The following ABCA12 variants were observed in gnomAD, a reference collection of about 807,000 sequenced individuals.
ABCA12 encodes the protein ATP binding cassette subfamily A member 12.
Under a neutral mutation model 293.5 loss-of-function variants are expected in ABCA12, and 156 were observed. The observed-to-expected ratio is 0.53, with a 90% CI of 0.47 to 0.61. The LOEUF is 0.61. ABCA12 is among the 20% of genes least tolerant of loss of function. The probability of loss-of-function intolerance (pLI) is 0.00; values close to 1 mark genes in which losing one functional copy is unlikely to be tolerated. For synonymous variants in ABCA12, 1,063 were observed against 1,108.0 expected, an observed-to-expected ratio of 0.96 and a Z score of 0.81; for missense variants, 2,797 against 3,090.2, an observed-to-expected ratio of 0.91 and a Z score of 2.25.
At chr2:214,937,674 G>T in intron 50 of ABCA12, 59 bp from the exon 51 acceptor site, 1 of 1,254,004 alleles carries the variant, frequency 8.0e-7, no homozygotes, top group East Asian at 2.4e-5. Context: ...TAGCTCCTCT[G>T]GAATTCTAGA....
intron 26 of ABCA12, among the ~76,000 whole-genome samples, chr2:214,988,513 T>A (rs986815512): frequency 6.6e-6 from 1 of 152,242 alleles, no homozygotes; most frequent in Non-Finnish European, 1.5e-5. Context: ...CATATTCTTT[T>A]ATTCATGTAT....
At chr2:214,983,529 A>C in intron 29 of ABCA12, 118 bp downstream of exon 29, 1 of 935,512 alleles carries the variant, frequency 1.1e-6, no homozygotes, top group Non-Finnish European at 1.7e-6. Flanking sequence ...AAAACTAAAA[A>C]GTAATTATTT....
chr2:215,132,112 A>G (rs978133436), intron 1 of ABCA12, among the ~76,000 whole-genome samples: 2 of 152,048 alleles, frequency 1.3e-5, no homozygotes, highest in Non-Finnish European at 2.9e-5. Flanking sequence ...ACTTGATATG[A>G]TTTCAATTTT....
intron 39 of ABCA12, among the ~76,000 whole-genome samples, chr2:214,961,284 C>G (rs1307609739): frequency 1.3e-5 from 2 of 151,994 alleles, no homozygotes; most frequent in East Asian, 3.9e-4. Context: ...TTACTAATTT[C>G]TATATAACTC....
At chr2:215,024,132 C>A (rs1373664733) in intron 11 of ABCA12, among the ~76,000 whole-genome samples, 1 of 152,178 alleles carries the variant, frequency 6.6e-6, no homozygotes, top group East Asian at 1.9e-4. Context: ...GCCTTCAAAA[C>A]TCAGAGAAAG....
At chr2:215,081,332 G>T (rs1215272803) in intron 2 of ABCA12, among the ~76,000 whole-genome samples, 1 of 151,934 alleles carries the variant, frequency 6.6e-6, no homozygotes, top group Non-Finnish European at 1.5e-5. Flanking sequence ...ACAAAAATTA[G>T]CAAGGCATGG....
chr2:215,050,051 T>C (rs1462928457), intron 5 of ABCA12, among the ~76,000 whole-genome samples: 2 of 152,184 alleles, frequency 1.3e-5, no homozygotes, highest in East Asian at 3.9e-4. Flanking sequence ...TATGAATTGT[T>C]TGACTGAACT....
chr2:215,128,795 G>C (rs1456856854), intron 1 of ABCA12, among the ~76,000 whole-genome samples: 1 of 152,058 alleles, frequency 6.6e-6, no homozygotes, highest in African/African-American at 2.4e-5. Context: ...TTCTTTGTCA[G>C]GTAAATCAGG....
chr2:215,025,768 G>A lies in ABCA12; in HGVS notation c.1192C>T (p.Leu398Phe), dbSNP rs1310268099. The change falls in exon 11 of 53, where the codon CTC (leucine) becomes TTC (phenylalanine). Residue 398 changes from leucine to phenylalanine, a missense_variant. Coordinates refer to ENST00000272895, the MANE Select transcript of ABCA12 (RefSeq NM_173076.3). ...LARGSPENLR[L>F]LQSTIRFKKS... ...TTAAATCGTATTGTGGACTGCAGGAGTCTTAGATTTTCTGTAAAGGAAGGG... is the reference window on the plus strand; with the variant it reads ...TTAAATCGTATTGTGGACTGCAGGAATCTTAGATTTTCTGTAAAGGAAGGG... 5 of 1,610,908 alleles carry A rather than the reference G, an allele frequency of 3.1e-6. No individual in the cohort carries two copies. The highest frequency in any genetic ancestry group is 3.4e-6 in the Non-Finnish European group (4 of 1,177,520).
intron 39 of ABCA12, among the ~76,000 whole-genome samples, chr2:214,961,295 A>C (rs780147920): frequency 6.6e-6 from 1 of 152,154 alleles, no homozygotes; most frequent in Non-Finnish European, 1.5e-5. Flanking sequence ...TATATAACTC[A>C]AGCTACATCT....
At chr2:215,104,439 G>A (rs1197801609) in intron 2 of ABCA12, among the ~76,000 whole-genome samples, 2 of 152,198 alleles carry the variant, frequency 1.3e-5, no homozygotes, top group African/African-American at 4.8e-5. Context: ...TGGGGGAGAT[G>A]GACCACTGCC....
At chr2:215,096,560 A>G (rs987426795) in intron 2 of ABCA12, among the ~76,000 whole-genome samples, 2 of 152,186 alleles carry the variant, frequency 1.3e-5, no homozygotes, top group African/African-American at 2.4e-5. Context: ...ATTTCAAACC[A>G]TTCCTTTGTC....
intron 22 of ABCA12, among the ~76,000 whole-genome samples, chr2:214,999,165 T>C (rs1032060821): frequency 4.5e-4 from 68 of 152,196 alleles, no homozygotes; most frequent in Non-Finnish European, 1.5e-4. Context: ...GGGTAGGCAT[T>C]TACAGACTAC....
rs767287642 is a variant in ABCA12, at chr2:214,978,348, G to T, written c.5096C>A (p.Ser1699Tyr). The change falls in exon 33 of 53, where the codon TCT (serine) becomes TAT (tyrosine). Residue 1699 changes from serine to tyrosine, a missense_variant. Coordinates refer to ENST00000272895, the MANE Select transcript of ABCA12 (RefSeq NM_173076.3). ...GTCTGTGAAATTGCTGCTGCTCACA[G>T]ATAAATCGTCAGGAGTTGAGATGCC... Reference protein sequence around the residue: ...ANGISTPDDLSVSSSNFTDRD... With the variant: ...ANGISTPDDLYVSSSNFTDRD... 1.1e-5 allele frequency: 18 copies of T among 1,614,054 alleles called. No homozygotes were observed. The highest frequency in any genetic ancestry group is 1.5e-5 in the Non-Finnish European group (18 of 1,179,956).
rs755817393 is a variant in ABCA12, at chr2:214,932,616, T to C, written c.*18A>G. 1.3e-6 allele frequency: 2 copies of C among 1,570,982 alleles called. No individual in the cohort carries two copies. Among genetic ancestry groups the C allele is most frequent in the East Asian group, 2.2e-5 (1 of 44,628 alleles). Reference sequence around the variant, plus strand: ...TGAAGCCATTGGTCACACGCTGAGATTGAGTTTGCTGGAAGTGTTAAGACT... The same window carrying C: ...TGAAGCCATTGGTCACACGCTGAGACTGAGTTTGCTGGAAGTGTTAAGACT... On this transcript the variant is annotated 3_prime_UTR_variant, in exon 53 of 53. Coordinates refer to ENST00000272895, the MANE Select transcript of ABCA12 (RefSeq NM_173076.3).
At chr2:214,967,295 T>G (rs1699284136) in intron 38 of ABCA12, among the ~76,000 whole-genome samples, 1 of 152,124 alleles carries the variant, frequency 6.6e-6, no homozygotes, top group Admixed American at 6.6e-5. Context: ...AGAACTAAGG[T>G]ATCCTGGCTG....
intron 9 of ABCA12, among the ~76,000 whole-genome samples, chr2:215,027,389 T>C (rs1700773830): frequency 6.6e-6 from 1 of 152,142 alleles, no homozygotes; most frequent in African/African-American, 2.4e-5. Flanking sequence ...CAGTTGGATG[T>C]CTTCCCTCAC....
chr2:215,040,967 T>G (rs1701088124), intron 7 of ABCA12, among the ~76,000 whole-genome samples: 3 of 152,224 alleles, frequency 2.0e-5, no homozygotes, highest in African/African-American at 7.2e-5. Flanking sequence ...CTGCACCTAC[T>G]AAGCCGTGCA....
intron 47 of ABCA12, 30 bp from the exon 48 acceptor site, chr2:214,947,586 A>G (rs1698622654): frequency 1.2e-6 from 2 of 1,613,020 alleles, no homozygotes; most frequent in East Asian, 4.5e-5. Context: ...AGTTAGGTTG[A>G]CCTTCCTGTG....
Sources: allele counts gnomAD v4.1 joint callset (sites outside exome capture counted in the v4.1 genomes callset), GRCh38; gene constraint gnomAD v4.1.1; transcripts MANE v1.5; gene names NCBI Gene and HGNC (gene_info 2026-07-23, HGNC 2026-07-21).